The following PRKAR1A variants were observed in gnomAD, a reference collection of about 807,000 sequenced individuals.
The protein encoded by PRKAR1A is protein kinase cAMP-dependent type I regulatory subunit alpha.
Under a neutral mutation model 52.0 loss-of-function variants are expected in PRKAR1A, and 3 were observed. That is an observed-to-expected ratio of 0.06 (90% CI 0.03 to 0.15). The LOEUF is 0.15. Among genes scored for constraint, PRKAR1A ranks in the 10% least tolerant of loss-of-function variants. PRKAR1A has a pLI of 1.00. For synonymous variants in PRKAR1A, 188 were observed against 168.4 expected (o/e 1.12, Z -0.90); for missense variants, 240 against 477.4 (o/e 0.50, Z 4.63).
intron 1 of PRKAR1A, chr17:68,514,906 T>TTA (rs2085380677): frequency 5.5e-6 from 1 of 182,126 alleles, no homozygotes; most frequent in Admixed American, 5.6e-5. Flanking sequence ...CTCTGTGACG[T>TTA]TAGGATACTC....
chr17:68,493,116 C>T, the PRKAR1A span, among the ~76,000 whole-genome samples: 248 of 137,000 alleles, frequency 1.8e-3, 1 homozygote, highest in South Asian at 3.5e-3. Flanking sequence ...GAATAACACA[C>T]ATTGGGGCCT....
chr17:68,445,101 G>A, the PRKAR1A span, among the ~76,000 whole-genome samples: 7 of 151,930 alleles, frequency 4.6e-5, no homozygotes, highest in Non-Finnish European at 7.4e-5. Flanking sequence ...TGTATTTTTA[G>A]TAGAGACGGG....
chr17:68,498,239 T>G, the PRKAR1A span, among the ~76,000 whole-genome samples: 2 of 152,306 alleles, frequency 1.3e-5, no homozygotes, highest in African/African-American at 4.8e-5. Flanking sequence ...TGACTGGAAG[T>G]TTAGCTTCAA....
At chr17:68,457,150 T>G in the PRKAR1A span, among the ~76,000 whole-genome samples, 2 of 149,286 alleles carry the variant, frequency 1.3e-5, no homozygotes, top group African/African-American at 2.5e-5. Context: ...GGGAGTGGGG[T>G]GGGGTGGGGG....
the PRKAR1A span, among the ~76,000 whole-genome samples, chr17:68,496,221 T>C: frequency 1.3e-5 from 2 of 150,376 alleles, no homozygotes; most frequent in African/African-American, 4.9e-5. Context: ...TTTGTATTTT[T>C]TGTACAGATG....
chr17:68,539,675 C>A (rs1396759489), intron 11 of PRKAR1A, among the ~76,000 whole-genome samples: 2 of 152,226 alleles, frequency 1.3e-5, no homozygotes, highest in Non-Finnish European at 2.9e-5. Flanking sequence ...CACTAGAGGG[C>A]ACACGAGTGC....
chr17:68,515,885 A>C (rs1413795114), intron 2 of PRKAR1A: 2 of 317,616 alleles, frequency 6.3e-6, no homozygotes, highest in Non-Finnish European at 1.2e-5. Flanking sequence ...CAGAACTAGT[A>C]TAGCAGTTCT....
the PRKAR1A span, among the ~76,000 whole-genome samples, chr17:68,475,714 C>T: frequency 0.042 from 6,395 of 152,208 alleles, 424 homozygotes; most frequent in African/African-American, 0.14. Flanking sequence ...ATCTGCCCCA[C>T]GCGGGGCAGT....
At chr17:68,517,147 C>T (rs957716625) in intron 2 of PRKAR1A, among the ~76,000 whole-genome samples, 3 of 152,166 alleles carry the variant, frequency 2.0e-5, no homozygotes, top group East Asian at 3.8e-4. Flanking sequence ...TGTGTTTCAG[C>T]TTCTTTAACT....
At chr17:68,541,174 A>G (rs576004284) in intron 11 of PRKAR1A, 137 of 587,392 alleles carry the variant, frequency 2.3e-4, no homozygotes, top group African/African-American at 1.8e-3. Context: ...TCTGGTGGAC[A>G]CTAAACCCAT....
downstream of PRKAR1A, among the ~76,000 whole-genome samples, chr17:68,533,671 G>A (rs2086035981): frequency 6.6e-6 from 1 of 152,200 alleles, no homozygotes; most frequent in South Asian, 2.1e-4. Context: ...ACATCAAGAA[G>A]CAATGGCTAG....
At chr17:68,450,589 G>C in the PRKAR1A span, 1 of 1,161,692 alleles carries the variant, frequency 8.6e-7, no homozygotes, top group South Asian at 1.5e-5. Context: ...CAATACCCCC[G>C]GGACACGGGG....
At chr17:68,506,138 T>A in the PRKAR1A span, among the ~76,000 whole-genome samples, 941 of 152,338 alleles carry the variant, frequency 6.2e-3, 13 homozygotes, top group African/African-American at 0.021. Flanking sequence ...AGTGCCCAGA[T>A]GGCTTACAAC....
the PRKAR1A span, among the ~76,000 whole-genome samples, chr17:68,445,435 T>C: frequency 6.6e-6 from 1 of 152,134 alleles, no homozygotes; most frequent in Non-Finnish European, 1.5e-5. Context: ...TTATTTCTAC[T>C]CAGACTCTCC....
At chr17:68,427,571 G>T in the PRKAR1A span, 2 of 198,286 alleles carry the variant, frequency 1.0e-5, no homozygotes, top group Admixed American at 5.7e-5. Context: ...TGGCCAGGCT[G>T]GTCTCGAACT....
chr17:68,483,443 T>G, the PRKAR1A span, among the ~76,000 whole-genome samples: 1 of 152,140 alleles, frequency 6.6e-6, no homozygotes, highest in African/African-American at 2.4e-5. Context: ...ATGACGCCAC[T>G]GCACTCCAGT....
the PRKAR1A span, among the ~76,000 whole-genome samples, chr17:68,485,444 G>A: frequency 6.6e-6 from 1 of 152,184 alleles, no homozygotes; most frequent in African/African-American, 2.4e-5. Flanking sequence ...ATTGAGTTAA[G>A]CCTTCTAAAA....
chr17:68,543,408 A>G (rs1266418151), intron 11 of PRKAR1A, among the ~76,000 whole-genome samples: 1 of 152,146 alleles, frequency 6.6e-6, no homozygotes, highest in Non-Finnish European at 1.5e-5. Context: ...TTCTTTGTAA[A>G]TTGTTCTTTT....
chr17:68,436,641 G>A, the PRKAR1A span, among the ~76,000 whole-genome samples: 6 of 152,172 alleles, frequency 3.9e-5, no homozygotes, highest in Non-Finnish European at 7.3e-5. Flanking sequence ...TCTGATTAAG[G>A]CTTCCAATAA....
Sources: allele counts gnomAD v4.1 joint callset (sites outside exome capture counted in the v4.1 genomes callset), GRCh38; gene constraint gnomAD v4.1.1; transcripts MANE v1.5; gene names NCBI Gene and HGNC (gene_info 2026-07-23, HGNC 2026-07-21).